Variants in GPR89B observed in about 807,000 individuals in gnomAD.
The protein encoded by GPR89B is golgi pH regulator B.
A neutral mutation model predicts 52.4 loss-of-function variants in GPR89B; 25 were observed. That is an observed-to-expected ratio of 0.48 (90% CI 0.35 to 0.67). The LOEUF (loss-of-function observed/expected upper bound fraction) is 0.67, where lower values mean the gene tolerates loss of function less well. Ranked by LOEUF, GPR89B falls within the 30% of genes least tolerant of loss-of-function variation. GPR89B has a pLI of 0.01. For missense variants in GPR89B, 146 were observed against 450.2 expected (o/e 0.32, Z 6.11); for synonymous variants, 52 against 151.2 (o/e 0.34, Z 4.81).
intron 7 of GPR89B, among the ~76,000 whole-genome samples, chr1:147,954,615 C>A (rs1428713072): frequency 1.3e-5 from 2 of 151,582 alleles, no homozygotes; most frequent in African/African-American, 4.9e-5. Flanking sequence ...CCCAGAAGTT[C>A]GAGACTAGCC....
intron 12 of GPR89B, among the ~76,000 whole-genome samples, chr1:147,990,596 T>C (rs1413280419): frequency 1.3e-5 from 2 of 152,362 alleles, no homozygotes; most frequent in East Asian, 3.9e-4. Flanking sequence ...AACATTTAAG[T>C]CTTTAATCCA....
chr1:147,965,936 T>C (rs1440672310), intron 7 of GPR89B, among the ~76,000 whole-genome samples: 1 of 151,856 alleles, frequency 6.6e-6, no homozygotes, highest in Non-Finnish European at 1.5e-5. Context: ...AACCTCTGCC[T>C]CCTAGGTTCA....
At chr1:148,012,607 G>C in the GPR89B span, among the ~76,000 whole-genome samples, 1 of 150,680 alleles carries the variant, frequency 6.6e-6, no homozygotes, top group South Asian at 2.1e-4. Context: ...CTGACATATA[G>C]TTACACTCTT....
intron 10 of GPR89B, among the ~76,000 whole-genome samples, chr1:147,976,142 G>C (rs2149083513): frequency 6.6e-6 from 1 of 152,282 alleles, no homozygotes; most frequent in Middle Eastern, 3.4e-3. Context: ...TTTTTGGGTA[G>C]AGAGTTCTGT....
At chr1:147,990,296 GT>G in intron 12 of GPR89B, among the ~76,000 whole-genome samples, 2 of 152,232 alleles carry the variant, frequency 1.3e-5, no homozygotes, top group African/African-American at 4.8e-5. Flanking sequence ...TTTTGATGGG[GT>G]TGTTTTTTTC....
At chr1:148,019,729 G>A in the GPR89B span, among the ~76,000 whole-genome samples, 1 of 151,964 alleles carries the variant, frequency 6.6e-6, no homozygotes, top group African/African-American at 2.4e-5. Context: ...GCAAAAGAAC[G>A]CTTTATGTTA....
chr1:147,931,655 G>A (rs1308888863), intron 1 of GPR89B, among the ~76,000 whole-genome samples: 2 of 151,552 alleles, frequency 1.3e-5, no homozygotes, highest in Admixed American at 6.6e-5. Context: ...GGGAGCTGAG[G>A]TTTGGGGTAC....
chr1:148,013,824 A>G, the GPR89B span, among the ~76,000 whole-genome samples: 1 of 152,008 alleles, frequency 6.6e-6, no homozygotes, highest in East Asian at 1.9e-4. Flanking sequence ...GGTCTTTCCC[A>G]CGGGCTGGGG....
the GPR89B span, among the ~76,000 whole-genome samples, chr1:148,016,674 G>T: frequency 6.6e-6 from 1 of 151,930 alleles, no homozygotes; most frequent in Non-Finnish European, 1.5e-5. Flanking sequence ...GAGGTGTTGA[G>T]TGAGGCCGGG....
At chr1:147,990,449 T>A (rs1437332547) in intron 12 of GPR89B, among the ~76,000 whole-genome samples, 1 of 152,192 alleles carries the variant, frequency 6.6e-6, no homozygotes, top group Non-Finnish European at 1.5e-5. Context: ...GCTCTTTAGT[T>A]TCATTAGATC....
chr1:147,929,375 C>G (rs1187265223), intron 1 of GPR89B, among the ~76,000 whole-genome samples: 6 of 151,928 alleles, frequency 3.9e-5, no homozygotes, highest in African/African-American at 1.5e-4. Flanking sequence ...CATCATAGCA[C>G]TGGCATCATT....
the GPR89B span, among the ~76,000 whole-genome samples, chr1:147,999,951 G>T: frequency 1.3e-5 from 2 of 152,130 alleles, no homozygotes; most frequent in Non-Finnish European, 2.9e-5. Flanking sequence ...TCCAAGTATG[G>T]TCTGACCAAG....
chr1:147,979,887 G>A (rs1444110264), intron 10 of GPR89B, among the ~76,000 whole-genome samples: 5 of 151,802 alleles, frequency 3.3e-5, no homozygotes, highest in Non-Finnish European at 7.4e-5. Context: ...CCAGGAATTC[G>A]AGACCAGCCT....
At position 147,938,826 on chromosome 1, in the gene GPR89B, G is replaced by C. The variant is rs587599807; in HGVS notation, c.206+9G>C. The C allele has an allele frequency of 7.9e-6, 12 of 1,514,728 alleles. No homozygotes were observed. In the East Asian group the frequency reaches 2.5e-4, roughly 32 times the overall value. 93.8% of individuals were successfully genotyped at this position (1,514,728 alleles called of 1,614,324 possible). A position where few individuals can be genotyped will look rare whatever the true frequency, so the allele number is the denominator to read the frequency against. On this transcript the variant is annotated intron_variant, in intron 3 of 13. Coordinates refer to ENST00000314163, the MANE Select transcript of GPR89B (RefSeq NM_016334.5). ...GGAGTATTGAATAGCAGGTGAGTAAGAGTACTGAAAACTCCTCTTGAAGAG... is the reference window on the plus strand; with the variant it reads ...GGAGTATTGAATAGCAGGTGAGTAACAGTACTGAAAACTCCTCTTGAAGAG...
At chr1:148,013,863 G>C in the GPR89B span, among the ~76,000 whole-genome samples, 2 of 152,058 alleles carry the variant, frequency 1.3e-5, no homozygotes, top group Non-Finnish European at 2.9e-5. Flanking sequence ...CGGCTGGGGA[G>C]GAGGAGGAGG....
chr1:147,957,778 A>AAGT (rs1656225136), intron 7 of GPR89B, among the ~76,000 whole-genome samples: 1 of 152,082 alleles, frequency 6.6e-6, no homozygotes, highest in African/African-American at 2.4e-5. Context: ...AACATTAGAC[A>AAGT]TAAAGGCCAG....
chr1:148,022,168 C>A, the GPR89B span, among the ~76,000 whole-genome samples: 1 of 151,760 alleles, frequency 6.6e-6, no homozygotes, highest in South Asian at 2.1e-4. Flanking sequence ...TTACAGTTCC[C>A]GTAAGCCATG....
At chr1:147,997,779 C>T (rs1184227350), downstream of GPR89B, among the ~76,000 whole-genome samples, 1 of 152,132 alleles carries the variant, frequency 6.6e-6, no homozygotes, top group African/African-American at 2.4e-5. Context: ...GAGACCAACC[C>T]ATATACACAG....
intron 10 of GPR89B, among the ~76,000 whole-genome samples, chr1:147,978,344 A>G (rs1221113561): frequency 6.6e-6 from 1 of 151,920 alleles, no homozygotes; most frequent in Admixed American, 6.6e-5. Flanking sequence ...GCTGCAGAAC[A>G]GCAAAGATGG....
Sources: allele counts gnomAD v4.1 joint callset (sites outside exome capture counted in the v4.1 genomes callset), GRCh38; gene constraint gnomAD v4.1.1; transcripts MANE v1.5; gene names NCBI Gene and HGNC (gene_info 2026-07-23, HGNC 2026-07-21).